CHRNA7: variants seen among roughly 807,000 people sequenced by gnomAD.
CHRNA7 encodes the protein cholinergic receptor nicotinic alpha 7 subunit, also known as neuronal acetylcholine receptor subunit alpha-7.
In CHRNA7, 17 loss-of-function variants were observed where a neutral mutation model predicts 48.0. That is an observed-to-expected ratio of 0.35 (90% CI 0.24 to 0.53). The LOEUF (loss-of-function observed/expected upper bound fraction) is 0.53. Ranked by LOEUF, CHRNA7 falls within the 20% of genes least tolerant of loss-of-function variation. CHRNA7 has a pLI of 0.92. For missense variants in CHRNA7, 155 were observed against 577.7 expected, an observed-to-expected ratio of 0.27 and a Z score of 7.50; for synonymous variants, 75 against 242.3, an observed-to-expected ratio of 0.31 and a Z score of 6.41.
intron 2 of CHRNA7, among the ~76,000 whole-genome samples, chr15:32,068,567 C>T (rs2050002561): frequency 6.6e-6 from 1 of 151,878 alleles, no homozygotes; most frequent in South Asian, 2.1e-4. Context: ...GACTTCAAAG[C>T]ATTACTACAT....
chr15:32,118,722 G>A (rs778615294), intron 4 of CHRNA7, among the ~76,000 whole-genome samples: 3 of 152,158 alleles, frequency 2.0e-5, no homozygotes, highest in Admixed American at 6.5e-5. Context: ...GGATTCAGCA[G>A]TGATCCAGCC....
At chr15:32,037,283 G>A (rs1372292314) in intron 2 of CHRNA7, among the ~76,000 whole-genome samples, 3 of 152,028 alleles carry the variant, frequency 2.0e-5, no homozygotes, top group East Asian at 1.9e-4. Flanking sequence ...GTGTTTTGTC[G>A]ATCTCTTTGT....
intron 4 of CHRNA7, chr15:32,153,421 CAAAAAAA>C (rs11343741): frequency 9.4e-6 from 1 of 106,008 alleles, no homozygotes; most frequent in Non-Finnish European, 1.9e-5. Context: ...GACTCTGTCT[CAAAAAAA>C]AAAAAAAAAA....
At chr15:32,132,411 T>G (rs559187042) in intron 4 of CHRNA7, among the ~76,000 whole-genome samples, 1 of 152,352 alleles carries the variant, frequency 6.6e-6, no homozygotes, top group South Asian at 2.1e-4. Context: ...GTTGACAGCC[T>G]TCTTATGTTT....
intron 4 of CHRNA7, among the ~76,000 whole-genome samples, chr15:32,114,502 A>C (rs181889838): frequency 3.9e-5 from 6 of 152,326 alleles, no homozygotes; most frequent in Admixed American, 3.9e-4. Flanking sequence ...CATGGTGGAC[A>C]TAGACCACGT....
intron 4 of CHRNA7, among the ~76,000 whole-genome samples, chr15:32,121,376 T>C (rs1280222155): frequency 6.6e-6 from 1 of 152,232 alleles, no homozygotes; most frequent in Non-Finnish European, 1.5e-5. Context: ...CGTATTTTTG[T>C]GTCCTTCAGT....
chr15:32,168,755 A>AT lies in CHRNA7; in HGVS notation c.*297_*298insT. Reference sequence around the variant, plus strand: ...CCACTGCCTGGAAAGCCCTTCGGAGAGCTCCCCATGGCTCCTCACCACCGA... The same window carrying AT: ...CCACTGCCTGGAAAGCCCTTCGGAGATGCTCCCCATGGCTCCTCACCACCGA... On this transcript the variant is annotated 3_prime_UTR_variant, in exon 10 of 10. Transcript: ENST00000306901. The AT allele has an allele frequency of 1.5e-4, 6 of 38,982 alleles. No homozygotes were observed. Among genetic ancestry groups the AT allele is most frequent in the Non-Finnish European group, 1.8e-4 (4 of 21,886 alleles). 2.4% of individuals were successfully genotyped at this position (38,982 alleles called of 1,614,324 possible). A position where few individuals can be genotyped will look rare whatever the true frequency, so the allele number is the denominator to read the frequency against.
intron 9 of CHRNA7, chr15:32,166,380 A>G (rs1185024453): frequency 6.6e-6 from 1 of 152,204 alleles, no homozygotes; most frequent in Non-Finnish European, 1.5e-5. Flanking sequence ...AGGTCAGCAG[A>G]CCCAACCTTT....
At chr15:32,051,565 G>C (rs938333435) in intron 2 of CHRNA7, among the ~76,000 whole-genome samples, 1 of 86,568 alleles carries the variant, frequency 1.2e-5, no homozygotes, top group Non-Finnish European at 2.7e-5. Flanking sequence ...CCCTTTCCTT[G>C]ACCAGGAAAG....
intron 4 of CHRNA7, among the ~76,000 whole-genome samples, chr15:32,128,476 C>T (rs930429523): frequency 6.6e-6 from 1 of 151,794 alleles, no homozygotes; most frequent in Non-Finnish European, 1.5e-5. Flanking sequence ...TAGTTTTCAA[C>T]ATGTGAGATT....
At chr15:32,129,361 C>G (rs1044080620) in intron 4 of CHRNA7, among the ~76,000 whole-genome samples, 3 of 151,806 alleles carry the variant, frequency 2.0e-5, no homozygotes, top group Admixed American at 1.3e-4. Context: ...TGTTAAAATT[C>G]CCCAGCGAAG....
chr15:32,137,478 G>GT (rs568287673), intron 4 of CHRNA7, among the ~76,000 whole-genome samples: 178 of 152,178 alleles, frequency 1.2e-3, no homozygotes, highest in Non-Finnish European at 2.2e-3. Context: ...AGAAAAATTG[G>GT]TAGAATTTAA....
chr15:32,139,368 G>A (rs1317818190), intron 4 of CHRNA7, among the ~76,000 whole-genome samples: 1 of 152,170 alleles, frequency 6.6e-6, no homozygotes, highest in Non-Finnish European at 1.5e-5. Context: ...TGCTCCTTTG[G>A]ATAAATACAA....
intron 2 of CHRNA7, among the ~76,000 whole-genome samples, chr15:32,097,265 C>A (rs1226058958): frequency 1.3e-5 from 2 of 152,130 alleles, no homozygotes; most frequent in Non-Finnish European, 2.9e-5. Flanking sequence ...AGGGGGGCAG[C>A]TTGAGGATCT....
At chr15:32,140,096 C>T (rs1020277102) in intron 4 of CHRNA7, among the ~76,000 whole-genome samples, 6 of 150,376 alleles carry the variant, frequency 4.0e-5, no homozygotes, top group East Asian at 1.9e-4. Context: ...CGAGAGGCCC[C>T]GGTGTGTGAT....
At chr15:32,105,501 A>G (rs1409566801) in intron 3 of CHRNA7, among the ~76,000 whole-genome samples, 6 of 149,342 alleles carry the variant, frequency 4.0e-5, no homozygotes, top group Non-Finnish European at 7.4e-5. Flanking sequence ...GGAGAGGAGG[A>G]AAGGAGGAGG....
intron 2 of CHRNA7, 36 bp downstream of exon 2, chr15:32,031,073 C>G (rs1486788534): frequency 6.2e-7 from 1 of 1,611,466 alleles, no homozygotes; most frequent in Non-Finnish European, 8.5e-7. Context: ...GCCCTCTCCC[C>G]TTCCTGGGCT....
intron 4 of CHRNA7, among the ~76,000 whole-genome samples, chr15:32,144,569 G>C (rs2051448351): frequency 6.6e-6 from 1 of 152,100 alleles, no homozygotes; most frequent in Admixed American, 6.5e-5. Flanking sequence ...ACATAGATTT[G>C]GTCTTGTCAC....
chr15:32,108,651 G>A (rs2050711992), intron 3 of CHRNA7, among the ~76,000 whole-genome samples: 1 of 152,148 alleles, frequency 6.6e-6, no homozygotes, highest in South Asian at 2.1e-4. Context: ...GGTTCCCACT[G>A]CATGTTGGCA....
Sources: gnomAD v4.1 joint callset for allele counts (sites outside exome capture counted in the v4.1 genomes callset) on GRCh38, gnomAD v4.1.1 for gene constraint, MANE v1.5 for transcripts, NCBI Gene and HGNC (gene_info 2026-07-23, HGNC 2026-07-21) for gene names.